SLC25A48: variants seen among roughly 807,000 people sequenced by gnomAD.
The protein encoded by SLC25A48 is solute carrier family 25 member 48, also known as CTC-321K16.1.
In SLC25A48, 29 loss-of-function variants were observed where a neutral mutation model predicts 32.2. The observed-to-expected ratio is 0.90, with a 90% CI of 0.67 to 1.23. SLC25A48 has a LOEUF of 1.23. Ranked by LOEUF, SLC25A48 falls within the 50% of genes most tolerant of loss-of-function variation. The probability of loss-of-function intolerance (pLI) is 0.00; values close to 1 mark genes in which losing one functional copy is unlikely to be tolerated. For missense variants in SLC25A48, 399 were observed against 422.7 expected (o/e 0.94, Z 0.49); for synonymous variants, 164 against 172.3 (o/e 0.95, Z 0.38).
rs750885278 is a variant in SLC25A48, at chr5:135,852,757, G to C, written c.357G>C (p.Gly119=). 1 of 1,614,060 alleles carries C rather than the reference G, an allele frequency of 6.2e-7. No homozygotes were observed. The highest frequency in any genetic ancestry group is 1.7e-5 in the Admixed American group (1 of 60,018). ...TGGTGGCCGGCGTGGTCTCTGTCGGGCTGGGAGGGCCCGTGGACCTCATCA... is the reference window on the plus strand; with the variant it reads ...TGGTGGCCGGCGTGGTCTCTGTCGGCCTGGGAGGGCCCGTGGACCTCATCA... ...ASMVAGVVSV[G]LGGPVDLIKI... The change falls in exon 4 of 8, where the codon GGG becomes GGC. Residue 119 remains glycine, a synonymous_variant. Transcript: ENST00000681962.
At chr5:135,768,521 A>C (rs1458588815) in intron 3 of SLC25A48, among the ~76,000 whole-genome samples, 1 of 151,532 alleles carries the variant, frequency 6.6e-6, no homozygotes, top group African/African-American at 2.4e-5. Context: ...GGAGGGGAGG[A>C]TAATATTACT....
chr5:135,775,789 T>C (rs1331905725), intron 3 of SLC25A48, among the ~76,000 whole-genome samples: 2 of 151,826 alleles, frequency 1.3e-5, no homozygotes, highest in African/African-American at 4.8e-5. Context: ...CGATATGTTT[T>C]CTAAAATTTA....
chr5:135,742,549 G>C, intron 3 of SLC25A48: 2 of 1,419,056 alleles, frequency 1.4e-6, no homozygotes, highest in Non-Finnish European at 9.8e-7. Context: ...CCAAGATTTT[G>C]TGTTTTATGG....
intron 3 of SLC25A48, among the ~76,000 whole-genome samples, chr5:135,708,906 G>A (rs748007823): frequency 3.9e-5 from 6 of 152,160 alleles, no homozygotes; most frequent in African/African-American, 2.4e-5. Context: ...TGGCTAGATG[G>A]GCTCCCTTTC....
At chr5:135,722,503 T>A (rs1754980773) in intron 3 of SLC25A48, among the ~76,000 whole-genome samples, 1 of 152,212 alleles carries the variant, frequency 6.6e-6, no homozygotes, top group Admixed American at 6.5e-5. Flanking sequence ...ACATTTTTTA[T>A]TATGGTGAAC....
intron 1 of SLC25A48, among the ~76,000 whole-genome samples, chr5:135,612,906 T>C (rs1406850450): frequency 6.6e-6 from 1 of 152,262 alleles, no homozygotes; most frequent in Non-Finnish European, 1.5e-5. Context: ...CCCTTTGATA[T>C]ACTGATTTCT....
rs556137981 is a variant in SLC25A48, at chr5:135,685,342, A to G, written c.-521+50386A>G. On this transcript the variant is annotated intron_variant, in intron 3 of 10. Coordinates refer to the SLC25A48 transcript ENST00000646290. The stretch of plus-strand genomic sequence containing the variant: ...TTTTATATATTTTGAAAAATGTTAT[A>G]TATTAAGAAAATTCGACTCTTGTAA... 2.7e-5 allele frequency among the ~76,000 whole-genome samples: 4 copies of G among 150,778 alleles called. No homozygotes were observed. The South Asian group carries it at 8.3e-4, about 31-fold the overall frequency.
chr5:135,849,942 G>A (rs1759707650), intron 2 of SLC25A48, among the ~76,000 whole-genome samples: 1 of 152,144 alleles, frequency 6.6e-6, no homozygotes, highest in Non-Finnish European at 1.5e-5. Context: ...AAAATGATCA[G>A]TCTGCCTGTT....
At chr5:135,617,959 T>C (rs1752227100) in intron 1 of SLC25A48, among the ~76,000 whole-genome samples, 1 of 152,006 alleles carries the variant, frequency 6.6e-6, no homozygotes, top group Admixed American at 6.5e-5. Context: ...CAGTTTAAGT[T>C]TGATGTTTCT....
At chr5:135,791,237 G>A (rs561397355) in intron 3 of SLC25A48, among the ~76,000 whole-genome samples, 1 of 151,874 alleles carries the variant, frequency 6.6e-6, no homozygotes, top group African/African-American at 2.4e-5. Context: ...TATCCTAGGT[G>A]ATATTATGTC....
intron 3 of SLC25A48, among the ~76,000 whole-genome samples, chr5:135,739,284 A>T (rs1389376347): frequency 6.6e-6 from 1 of 151,862 alleles, no homozygotes; most frequent in African/African-American, 2.4e-5. Context: ...TGCCTGGCTA[A>T]TTTTTTTATT....
intron 3 of SLC25A48, among the ~76,000 whole-genome samples, chr5:135,698,270 A>G (rs930280842): frequency 3.9e-5 from 6 of 152,310 alleles, no homozygotes; most frequent in African/African-American, 1.4e-4. Flanking sequence ...TGGTGATTTG[A>G]GTTGGTAACA....
At chr5:135,766,819 A>G (rs995629061) in intron 3 of SLC25A48, among the ~76,000 whole-genome samples, 1 of 150,916 alleles carries the variant, frequency 6.6e-6, no homozygotes, top group African/African-American at 2.4e-5. Flanking sequence ...TACTGCCGAA[A>G]GTGTACACCA....
intron 4 of SLC25A48, among the ~76,000 whole-genome samples, chr5:135,869,969 C>T (rs4246807): frequency 0.54 from 82,817 of 152,068 alleles, 24,273 homozygotes; most frequent in East Asian, 0.78. Context: ...TTCCCAGGCA[C>T]GCAGAAACCA....
intron 3 of SLC25A48, among the ~76,000 whole-genome samples, chr5:135,787,649 C>T (rs761619407): frequency 2.7e-4 from 41 of 151,660 alleles, no homozygotes; most frequent in East Asian, 3.9e-4. Context: ...TGATATTATT[C>T]GTAATATCCT....
intron 4 of SLC25A48, among the ~76,000 whole-genome samples, chr5:135,855,174 A>C (rs891143851): frequency 2.0e-5 from 3 of 152,220 alleles, no homozygotes; most frequent in Non-Finnish European, 2.9e-5. Flanking sequence ...ATATTGTGAG[A>C]ATTATGAAAA....
At chr5:135,661,031 AG>A (rs1367212879) in intron 3 of SLC25A48, among the ~76,000 whole-genome samples, 4 of 152,370 alleles carry the variant, frequency 2.6e-5, no homozygotes, top group Admixed American at 2.6e-4. Context: ...TGTCAGTCCC[AG>A]GGCCAGACTG....
At chr5:135,763,482 C>G (rs1483228320) in intron 3 of SLC25A48, among the ~76,000 whole-genome samples, 1 of 152,114 alleles carries the variant, frequency 6.6e-6, no homozygotes, top group Non-Finnish European at 1.5e-5. Flanking sequence ...TCACTTGTCC[C>G]TGTTTACCCA....
intron 3 of SLC25A48, among the ~76,000 whole-genome samples, chr5:135,654,464 G>A (rs187414596): frequency 6.6e-6 from 1 of 152,186 alleles, no homozygotes; most frequent in South Asian, 2.1e-4. Flanking sequence ...TTATGTAAGT[G>A]GGGGAGCTGG....
Sources: allele counts gnomAD v4.1 joint callset (sites outside exome capture counted in the v4.1 genomes callset), GRCh38; gene constraint gnomAD v4.1.1; transcripts MANE v1.5; gene names NCBI Gene and HGNC (gene_info 2026-07-23, HGNC 2026-07-21).